Variants in TMC1 observed in about 807,000 individuals in gnomAD.
TMC1 encodes transmembrane channel-like protein 1.
Under a neutral mutation model 105.8 loss-of-function variants are expected in TMC1, and 84 were observed. The observed-to-expected ratio is 0.79, with a 90% CI of 0.67 to 0.95. TMC1 has a LOEUF of 0.95. TMC1 is among the 40% of genes least tolerant of loss of function. The pLI, the probability that TMC1 is intolerant of heterozygous loss-of-function variation, is 0.00. For missense variants in TMC1, 817 were observed against 914.1 expected (o/e 0.89, Z 1.37); for synonymous variants, 315 against 311.5 (o/e 1.01, Z -0.12).
In TMC1 at chr9:72,830,359, TG is replaced by T. The variant is rs1419495627; in HGVS notation, c.2130-91del. ...GATAGCTTAATGTTCATTCCCATGC[TG>T]ATATTTCATAATTTACTTAATGTAA... On this transcript the variant is annotated intron_variant, in intron 21 of 23. Coordinates refer to ENST00000297784, the MANE Select transcript of TMC1 (RefSeq NM_138691.3). The T allele has an allele frequency of 4.5e-6, 4 of 879,526 alleles. No individual in the cohort carries two copies. In the African/African-American group the frequency reaches 6.7e-5, roughly 15 times the overall value. 54.5% of individuals were successfully genotyped at this position (879,526 alleles called of 1,614,324 possible).
chr9:72,648,225 C>A (rs1253336284), intron 4 of TMC1, among the ~76,000 whole-genome samples: 1 of 152,044 alleles, frequency 6.6e-6, no homozygotes, highest in Non-Finnish European at 1.5e-5. Flanking sequence ...GTATTTCTTA[C>A]CTTTCTAAGG....
intron 5 of TMC1, among the ~76,000 whole-genome samples, chr9:72,657,208 A>G (rs1825898396): frequency 6.6e-6 from 1 of 152,230 alleles, no homozygotes; most frequent in African/African-American, 2.4e-5. Flanking sequence ...CAGTGAGACC[A>G]CAAGCCACTG....
intron 8 of TMC1, among the ~76,000 whole-genome samples, chr9:72,728,874 G>A (rs1002921999): frequency 1.3e-5 from 2 of 151,784 alleles, no homozygotes; most frequent in African/African-American, 2.4e-5. Flanking sequence ...GATCTAGTGT[G>A]CTTTTATTTT....
intron 19 of TMC1, 133 bp from the exon 20 acceptor site, chr9:72,820,709 G>A: frequency 2.8e-6 from 3 of 1,090,750 alleles, no homozygotes; most frequent in African/African-American, 1.5e-5. Flanking sequence ...TTATGAAAAG[G>A]GTTTGTCTGG....
At chr9:72,590,781 A>G (rs776482944) in intron 2 of TMC1, among the ~76,000 whole-genome samples, 1 of 152,176 alleles carries the variant, frequency 6.6e-6, no homozygotes, top group Non-Finnish European at 1.5e-5. Flanking sequence ...AGGGCATTAT[A>G]TAATTTATTG....
chr9:72,726,734 A>G (rs956965228), intron 8 of TMC1, among the ~76,000 whole-genome samples: 2 of 152,250 alleles, frequency 1.3e-5, no homozygotes, highest in Non-Finnish European at 2.9e-5. Flanking sequence ...AGAAAAACTA[A>G]AGACTTCTAT....
At chr9:72,610,658 A>G (rs1587987711) in intron 2 of TMC1, among the ~76,000 whole-genome samples, 1 of 152,224 alleles carries the variant, frequency 6.6e-6, no homozygotes, top group African/African-American at 2.4e-5. Flanking sequence ...TGTTAATCTC[A>G]TCCAGAAACA....
intron 8 of TMC1, among the ~76,000 whole-genome samples, chr9:72,734,738 A>G (rs1203948301): frequency 2.0e-5 from 3 of 152,194 alleles, no homozygotes; most frequent in Admixed American, 6.5e-5. Context: ...GCTAGAAAGT[A>G]CAAGTTTTGA....
intron 1 of TMC1, among the ~76,000 whole-genome samples, chr9:72,573,634 T>G (rs1163166156): frequency 2.6e-5 from 4 of 152,184 alleles, no homozygotes; most frequent in African/African-American, 4.8e-5. Flanking sequence ...TTGTTCTCAT[T>G]TATATGGTTT....
chr9:72,623,443 T>A (rs1346575823), intron 3 of TMC1, among the ~76,000 whole-genome samples: 3 of 152,072 alleles, frequency 2.0e-5, no homozygotes, highest in African/African-American at 7.2e-5. Context: ...CTCAAAGTAA[T>A]CCTTTGGTAA....
intron 12 of TMC1, among the ~76,000 whole-genome samples, chr9:72,764,857 G>C (rs1827806768): frequency 6.6e-6 from 1 of 152,106 alleles, no homozygotes; most frequent in Non-Finnish European, 1.5e-5. Context: ...GATCTAATTG[G>C]ATATGCAAAC....
intron 1 of TMC1, among the ~76,000 whole-genome samples, chr9:72,525,951 G>A (rs1445254976): frequency 2.6e-5 from 4 of 151,156 alleles, no homozygotes; most frequent in Non-Finnish European, 4.4e-5. Context: ...TCGTGCCACT[G>A]CACTCCAGCC....
intron 13 of TMC1, among the ~76,000 whole-genome samples, chr9:72,778,052 G>A (rs1236020054): frequency 6.6e-6 from 1 of 152,230 alleles, no homozygotes; most frequent in Admixed American, 6.5e-5. Flanking sequence ...CCTTGCCTCT[G>A]TGGTGCTCAG....
At position 72,735,216 on chromosome 9, in the gene TMC1, A is replaced by G. The variant is rs373071298; in HGVS notation, c.363-4903A>G. 9.2e-5 allele frequency among the ~76,000 whole-genome samples: 14 copies of G among 152,340 alleles called. No individual in the cohort carries two copies. The South Asian group carries it at 2.9e-3, about 32-fold the overall frequency. ...TTCAGCTCTGAGACCTGAAGACCAG[A>G]TTACAGTCTTGGCAGGTGGCTTTTG... On this transcript the variant is annotated intron_variant, in intron 8 of 23. Coordinates refer to ENST00000297784, the MANE Select transcript of TMC1 (RefSeq NM_138691.3).
At chr9:72,611,771 A>T (rs1825028165) in intron 2 of TMC1, among the ~76,000 whole-genome samples, 1 of 152,206 alleles carries the variant, frequency 6.6e-6, no homozygotes, top group Non-Finnish European at 1.5e-5. Context: ...TGGGATTTTC[A>T]AGCTGCATTC....
chr9:72,598,639 T>C (rs1333782824), intron 2 of TMC1, among the ~76,000 whole-genome samples: 1 of 152,204 alleles, frequency 6.6e-6, no homozygotes, highest in African/African-American at 2.4e-5. Context: ...GTCATGAGAT[T>C]ACTGATCCTT....
At chr9:72,679,120 C>T (rs567050227) in intron 5 of TMC1, among the ~76,000 whole-genome samples, 1 of 152,152 alleles carries the variant, frequency 6.6e-6, no homozygotes, top group South Asian at 2.1e-4. Context: ...CAGTTTGCCC[C>T]TGCTATTCAT....
chr9:72,639,889 C>T (rs573219422), intron 4 of TMC1, among the ~76,000 whole-genome samples: 1 of 152,316 alleles, frequency 6.6e-6, no homozygotes, highest in East Asian at 1.9e-4. Flanking sequence ...ATTCTTTAGG[C>T]ACTACTTACC....
At chr9:72,585,539 G>A (rs1466975860) in intron 2 of TMC1, among the ~76,000 whole-genome samples, 2 of 152,166 alleles carry the variant, frequency 1.3e-5, no homozygotes, top group African/African-American at 4.8e-5. Flanking sequence ...GGAAGGAAAA[G>A]CCAATGACAG....
Sources: gnomAD v4.1 joint callset for allele counts (sites outside exome capture counted in the v4.1 genomes callset) on GRCh38, gnomAD v4.1.1 for gene constraint, MANE v1.5 for transcripts, NCBI Gene and HGNC (gene_info 2026-07-23, HGNC 2026-07-21) for gene names.